CACNB2: variants seen among roughly 807,000 people sequenced by gnomAD.
The protein encoded by CACNB2 is calcium voltage-gated channel auxiliary subunit beta 2, also known as voltage-dependent L-type calcium channel subunit beta-2.
Under a neutral mutation model 73.3 loss-of-function variants are expected in CACNB2, and 42 were observed. The observed-to-expected ratio is 0.57, with a 90% CI of 0.45 to 0.74. CACNB2 has a LOEUF of 0.74. CACNB2 is among the 30% of genes least tolerant of loss of function. The probability of loss-of-function intolerance (pLI) is 0.00; values close to 1 mark genes in which losing one functional copy is unlikely to be tolerated. For missense variants in CACNB2, 940 were observed against 853.0 expected (o/e 1.10, Z -1.27); for synonymous variants, 348 against 310.3 (o/e 1.12, Z -1.28).
rs1364116908 is a variant in CACNB2 at position 18,422,680 on chromosome 10, G to A, written c.333+20637G>A. The stretch of plus-strand genomic sequence containing the variant: ...TTGGCGTACCTGGGACTGAGGAATG[G>A]CCTGTTGACACTTCAAAAAAAATTT... On this transcript the variant is annotated intron_variant, in intron 3 of 13. Coordinates refer to ENST00000324631, the MANE Select transcript of CACNB2 (RefSeq NM_201596.3). 2.0e-5 allele frequency among the ~76,000 whole-genome samples: 3 copies of A among 149,386 alleles called. No individual in the cohort carries two copies. The Admixed American group carries it at 2.0e-4, about 10-fold the overall frequency.
At chr10:18,164,553 A>G (rs1208330527) in intron 2 of CACNB2, among the ~76,000 whole-genome samples, 2 of 152,054 alleles carry the variant, frequency 1.3e-5, no homozygotes, top group African/African-American at 4.8e-5. Context: ...AGGCCAAAAC[A>G]ATTTTACTAA....
At chr10:18,277,542 G>A (rs960287460) in intron 2 of CACNB2, among the ~76,000 whole-genome samples, 2 of 152,194 alleles carry the variant, frequency 1.3e-5, no homozygotes, top group Admixed American at 6.5e-5. Flanking sequence ...CTAAATGTTA[G>A]CATAAGCTTA....
At chr10:18,163,573 C>T (rs2032628893) in intron 2 of CACNB2, among the ~76,000 whole-genome samples, 1 of 152,094 alleles carries the variant, frequency 6.6e-6, no homozygotes, top group Non-Finnish European at 1.5e-5. Flanking sequence ...TCAGGCAGGG[C>T]CGCAACACTG....
At chr10:18,440,511 A>G (rs2046361426) in intron 3 of CACNB2, among the ~76,000 whole-genome samples, 2 of 152,106 alleles carry the variant, frequency 1.3e-5, no homozygotes, top group African/African-American at 4.8e-5. Context: ...ATGGCAAAAA[A>G]TCAAAAATTA....
At chr10:18,497,142 G>A (rs575685982) in intron 3 of CACNB2, among the ~76,000 whole-genome samples, 6 of 149,178 alleles carry the variant, frequency 4.0e-5, no homozygotes, top group Non-Finnish European at 8.9e-5. Context: ...AACTCCAGAG[G>A]AGGAGGTTGC....
chr10:18,321,489 A>G (rs985433290), intron 2 of CACNB2, among the ~76,000 whole-genome samples: 11 of 152,362 alleles, frequency 7.2e-5, no homozygotes, highest in African/African-American at 2.6e-4. Context: ...GGGTGACTAT[A>G]GTCAATAATA....
rs370635812 is a variant in CACNB2, at chr10:18,359,922, G to A, written c.214-42002G>A. Reference sequence around the variant, plus strand: ...GAGTGGTACTAAAGAGTCCTGGGTTGTAAATTGAGCCACGAGTGCAAAGAG... The same window carrying A: ...GAGTGGTACTAAAGAGTCCTGGGTTATAAATTGAGCCACGAGTGCAAAGAG... On this transcript the variant is annotated intron_variant, in intron 2 of 13. Transcript: ENST00000324631. 5.9e-5 allele frequency among the ~76,000 whole-genome samples: 9 copies of A among 152,274 alleles called. No individual in the cohort carries two copies. In the East Asian group the frequency reaches 1.2e-3, roughly 20 times the overall value.
At chr10:18,527,769 AGAT>A (rs2052625233) in intron 10 of CACNB2, 72 bp downstream of exon 10, 1 of 951,124 alleles carries the variant, frequency 1.1e-6, no homozygotes, top group South Asian at 1.3e-5. Flanking sequence ...AGACCTAACA[AGAT>A]GATAATTCCA....
intron 3 of CACNB2, among the ~76,000 whole-genome samples, chr10:18,464,062 T>C (rs561229186): frequency 2.6e-5 from 4 of 152,218 alleles, no homozygotes; most frequent in African/African-American, 9.6e-5. Flanking sequence ...ACCCAAGCTG[T>C]CAGCGGCCTT....
At chr10:18,255,357 G>T (rs1016793554) in intron 2 of CACNB2, among the ~76,000 whole-genome samples, 1 of 152,132 alleles carries the variant, frequency 6.6e-6, no homozygotes, top group Non-Finnish European at 1.5e-5. Flanking sequence ...CTCAGCTCAG[G>T]TAGCAGTGCC....
In CACNB2 at chr10:18,488,026, C is replaced by T. The variant is rs369861640; in HGVS notation, c.334-10329C>T. On this transcript the variant is annotated intron_variant, in intron 3 of 13. Coordinates refer to ENST00000324631, the MANE Select transcript of CACNB2 (RefSeq NM_201596.3). ...GTTTCACCATGTTGCACTGGCTGGT[C>T]TCGAACTCCTGACCTCAGGTGGTCC... Among the ~76,000 whole-genome samples, 3 of 150,948 alleles carry T rather than the reference C, an allele frequency of 2.0e-5. No homozygotes were observed. The East Asian group carries it at 6.2e-4, about 31-fold the overall frequency.
chr10:18,390,099 A>G (rs1448998035), intron 2 of CACNB2, among the ~76,000 whole-genome samples: 1 of 152,192 alleles, frequency 6.6e-6, no homozygotes. Context: ...CTGTAGATTA[A>G]TTGTTCATTG....
chr10:18,404,120 A>C (rs2044156998), intron 3 of CACNB2, among the ~76,000 whole-genome samples: 1 of 152,116 alleles, frequency 6.6e-6, no homozygotes, highest in Non-Finnish European at 1.5e-5. Flanking sequence ...TGTACCCATA[A>C]AATTTTTTAA....
intron 3 of CACNB2, among the ~76,000 whole-genome samples, chr10:18,494,028 T>C (rs1396620639): frequency 6.6e-6 from 1 of 152,202 alleles, no homozygotes; most frequent in Non-Finnish European, 1.5e-5. Flanking sequence ...CATCTAATGG[T>C]AGCATCATTG....
chr10:18,261,342 G>A, intron 2 of CACNB2: 1 of 1,551,598 alleles, frequency 6.4e-7, no homozygotes, highest in Non-Finnish European at 8.7e-7. Flanking sequence ...CTGTAGAATT[G>A]CAGCTGGGAG....
chr10:18,409,754 G>A (rs896152715), intron 3 of CACNB2, among the ~76,000 whole-genome samples: 1 of 152,166 alleles, frequency 6.6e-6, no homozygotes, highest in Admixed American at 6.6e-5. Flanking sequence ...TCTGGCCAAT[G>A]CCCCAGAGAG....
rs965310367 is a variant in CACNB2 at position 18,348,613 on chromosome 10, C to T, written c.214-53311C>T. Reference sequence around the variant, plus strand: ...ACTGCAACCTCCACCTCCTGATTCTCCTGCCTCAGCCTCCCGAGTATCTGG... The same window carrying T: ...ACTGCAACCTCCACCTCCTGATTCTTCTGCCTCAGCCTCCCGAGTATCTGG... On this transcript the variant is annotated intron_variant, in intron 2 of 13. Coordinates refer to ENST00000324631, the MANE Select transcript of CACNB2 (RefSeq NM_201596.3). Among the ~76,000 whole-genome samples, 21 of 152,222 alleles carry T rather than the reference C, an allele frequency of 1.4e-4. 1 individual carries two copies. Among genetic ancestry groups the T allele is most frequent in the Non-Finnish European group, 2.9e-4 (20 of 68,004 alleles).
chr10:18,354,373 C>A, intron 2 of CACNB2, among the ~76,000 whole-genome samples: 1 of 152,102 alleles, frequency 6.6e-6, no homozygotes, highest in East Asian at 1.9e-4. Flanking sequence ...CCAACCACCA[C>A]CCAACTCTCC....
intron 2 of CACNB2, among the ~76,000 whole-genome samples, chr10:18,178,888 G>A (rs761681803): frequency 2.9e-4 from 44 of 152,184 alleles, no homozygotes; most frequent in Non-Finnish European, 7.3e-5. Context: ...AGATGCTTGG[G>A]CATTTCTGCT....
Sources: gnomAD v4.1 joint callset for allele counts (sites outside exome capture counted in the v4.1 genomes callset) on GRCh38, gnomAD v4.1.1 for gene constraint, MANE v1.5 for transcripts, NCBI Gene and HGNC (gene_info 2026-07-23, HGNC 2026-07-21) for gene names.